The following WDFY1 variants were observed in gnomAD, a reference collection of about 807,000 sequenced individuals.
WDFY1 encodes the protein WD repeat and FYVE domain-containing protein 1.
Under a neutral mutation model 56.4 loss-of-function variants are expected in WDFY1, and 32 were observed. The ratio of observed to expected loss-of-function variants is 0.57; its 90% confidence interval spans 0.43 to 0.76. The LOEUF (loss-of-function observed/expected upper bound fraction) is 0.76. WDFY1 is among the 30% of genes least tolerant of loss of function. The pLI, the probability that WDFY1 is intolerant of heterozygous loss-of-function variation, is 0.00. For missense variants in WDFY1, 480 were observed against 545.7 expected (o/e 0.88, Z 1.20); for synonymous variants, 192 against 197.3 (o/e 0.97, Z 0.23).
intron 7 of WDFY1, among the ~76,000 whole-genome samples, chr2:223,895,240 A>G (rs1693344817): frequency 6.6e-6 from 1 of 152,178 alleles, no homozygotes; most frequent in Non-Finnish European, 1.5e-5. Context: ...TGAGAGAAAA[A>G]GTGGCAAGTG....
At chr2:223,895,480 C>T in intron 7 of WDFY1, 24 bp downstream of exon 7, 1 of 1,613,606 alleles carries the variant, frequency 6.2e-7, no homozygotes, top group Non-Finnish European at 8.5e-7. Flanking sequence ...GATTCTTTCC[C>T]CACCCCCACA....
At chr2:223,887,397 G>T (rs938359761) in intron 8 of WDFY1, among the ~76,000 whole-genome samples, 1 of 152,176 alleles carries the variant, frequency 6.6e-6, no homozygotes, top group Non-Finnish European at 1.5e-5. Flanking sequence ...ACTTCAGTAA[G>T]GGCTAATATG....
intron 1 of WDFY1, among the ~76,000 whole-genome samples, chr2:223,922,770 A>T (rs1693907532): frequency 6.6e-6 from 1 of 152,194 alleles, no homozygotes; most frequent in Non-Finnish European, 1.5e-5. Context: ...GGGAGGAGAA[A>T]ATCTTAAAGG....
intron 1 of WDFY1, among the ~76,000 whole-genome samples, chr2:223,929,022 G>A (rs143922288): frequency 6.6e-6 from 1 of 152,304 alleles, no homozygotes; most frequent in African/African-American, 2.4e-5. Flanking sequence ...GCAGAAGGCA[G>A]AGCCAGCAGA....
intron 8 of WDFY1, among the ~76,000 whole-genome samples, chr2:223,891,273 C>A (rs1324037534): frequency 6.7e-6 from 1 of 149,464 alleles, no homozygotes; most frequent in Non-Finnish European, 1.5e-5. Flanking sequence ...ACCCCAGATA[C>A]CTGGGAGGCT....
intron 1 of WDFY1, among the ~76,000 whole-genome samples, chr2:223,932,531 G>C (rs1000353679): frequency 6.6e-6 from 1 of 152,030 alleles, no homozygotes; most frequent in African/African-American, 2.4e-5. Context: ...CAATATCTCT[G>C]AAACTGAATA....
chr2:223,940,138 GTGAA>G (rs1689273712), intron 1 of WDFY1, among the ~76,000 whole-genome samples: 1 of 152,184 alleles, frequency 6.6e-6, no homozygotes, highest in African/African-American at 2.4e-5. Flanking sequence ...GGCCAAGACG[GTGAA>G]ACCCTGTCTC....
At chr2:223,886,722 C>G (rs1693179938) in intron 8 of WDFY1, among the ~76,000 whole-genome samples, 1 of 107,416 alleles carries the variant, frequency 9.3e-6, no homozygotes, top group Admixed American at 1.0e-4. Flanking sequence ...AAGAGTGAAA[C>G]TCCGTCTAAA....
Position 223,877,189 on chromosome 2 carries a change from T to A in WDFY1, c.*1482A>T, listed in dbSNP as rs1692986429. ...AGACATTTTAGTTTGATCGCCTCCT[T>A]AAACCTTTCAGTCCCTCTAAGACAT... On this transcript the variant is annotated 3_prime_UTR_variant, in exon 12 of 12. Coordinates refer to ENST00000233055, the MANE Select transcript of WDFY1 (RefSeq NM_020830.5). 1 of 152,202 alleles carries A rather than the reference T, an allele frequency of 6.6e-6. No individual in the cohort carries two copies. Among genetic ancestry groups the A allele is most frequent in the African/African-American group, 2.4e-5 (1 of 41,452 alleles). The allele number at this position is 152,202 out of a possible 1,614,324, so 9.4% of individuals were successfully genotyped here.
chr2:223,895,413 G>T, intron 7 of WDFY1, 91 bp downstream of exon 7: 1 of 1,584,052 alleles, frequency 6.3e-7, no homozygotes, highest in Non-Finnish European at 8.6e-7. Context: ...AGAACGTGGG[G>T]TTTGCAGAAA....
intron 1 of WDFY1, among the ~76,000 whole-genome samples, chr2:223,932,868 G>GAAA (rs71727456): frequency 2.5e-3 from 368 of 145,568 alleles, no homozygotes; most frequent in Non-Finnish European, 4.7e-3. Context: ...GGGGATACAG[G>GAAA]AAAAAAAAAA....
intron 8 of WDFY1, among the ~76,000 whole-genome samples, chr2:223,892,162 G>T (rs985126490): frequency 3.3e-5 from 5 of 151,940 alleles, no homozygotes; most frequent in Non-Finnish European, 7.4e-5. Flanking sequence ...TTTTAGTAGA[G>T]ACTGGGTTTC....
chr2:223,904,789 A>AATC (rs1435645150), intron 4 of WDFY1, among the ~76,000 whole-genome samples: 3 of 152,236 alleles, frequency 2.0e-5, no homozygotes, highest in Non-Finnish European at 4.4e-5. Flanking sequence ...AGTTTCTGGG[A>AATC]ATCAGCTAAT....
intron 1 of WDFY1, among the ~76,000 whole-genome samples, chr2:223,944,364 G>A (rs1445920382): frequency 6.6e-6 from 1 of 152,286 alleles, no homozygotes; most frequent in African/African-American, 2.4e-5. Context: ...CCCCGCCAGG[G>A]AGAGAGACCG....
At position 223,877,897 on chromosome 2, in the gene WDFY1, G is replaced by A. The variant is rs1328148385; in HGVS notation, c.*774C>T. ...TAATGGCAATGAGAAAAAGTCAGGC[G>A]GCTTGTGTGACTCCCATGTTAACAG... On this transcript the variant is annotated 3_prime_UTR_variant, in exon 12 of 12. Coordinates refer to ENST00000233055, the MANE Select transcript of WDFY1 (RefSeq NM_020830.5). 2.0e-5 allele frequency: 3 copies of A among 152,540 alleles called. No homozygotes were observed. The highest frequency in any genetic ancestry group is 4.1e-4 in the South Asian group (2 of 4,828). 9.4% of individuals were successfully genotyped at this position (152,540 alleles called of 1,614,324 possible). A position where few individuals can be genotyped will look rare whatever the true frequency, so the allele number is the denominator to read the frequency against.
At chr2:223,888,586 A>ATCT (rs1553535602) in intron 8 of WDFY1, among the ~76,000 whole-genome samples, 1 of 131,394 alleles carries the variant, frequency 7.6e-6, no homozygotes, top group Non-Finnish European at 1.5e-5. Flanking sequence ...TAAATTCTCA[A>ATCT]TTTTTTTTTT....
intron 6 of WDFY1, among the ~76,000 whole-genome samples, chr2:223,896,133 G>T (rs1355064266): frequency 1.0e-5 from 1 of 96,006 alleles, no homozygotes; most frequent in Non-Finnish European, 2.0e-5. Flanking sequence ...TCCAGCCTGG[G>T]TGACAGAGTG....
At position 223,917,924 on chromosome 2, in the gene WDFY1, G is replaced by C. The variant is rs977422499; in HGVS notation, c.205+19C>G. The C allele has an allele frequency of 6.2e-6, 10 of 1,612,348 alleles. No individual in the cohort carries two copies. The highest frequency in any genetic ancestry group is 1.3e-5 in the African/African-American group (1 of 74,784). The stretch of plus-strand genomic sequence containing the variant: ...ACATTAGAGACATTTCTCTCAAATG[G>C]AACAGTTCAGCTACTTACAGGCCAT... On this transcript the variant is annotated intron_variant, in intron 2 of 11. Transcript: ENST00000233055.
intron 4 of WDFY1, among the ~76,000 whole-genome samples, chr2:223,903,225 A>C (rs1693533899): frequency 6.6e-6 from 1 of 152,226 alleles, no homozygotes; most frequent in South Asian, 2.1e-4. Flanking sequence ...TAGCCCATAA[A>C]GAACTCTGAC....
Sources: allele counts gnomAD v4.1 joint callset (sites outside exome capture counted in the v4.1 genomes callset), GRCh38; gene constraint gnomAD v4.1.1; transcripts MANE v1.5; gene names NCBI Gene and HGNC (gene_info 2026-07-23, HGNC 2026-07-21).